Variants in KCNN2 observed in about 807,000 individuals in gnomAD.
KCNN2 encodes the protein potassium calcium-activated channel subfamily N member 2, also known as small conductance calcium-activated potassium channel protein 2.
In KCNN2, 24 loss-of-function variants were observed where a neutral mutation model predicts 55.5. The observed-to-expected ratio is 0.43, with a 90% CI of 0.31 to 0.61. The LOEUF (loss-of-function observed/expected upper bound fraction) is 0.61. KCNN2 is among the 20% of genes least tolerant of loss of function. The probability of loss-of-function intolerance (pLI) is 0.08; values close to 1 mark genes in which losing one functional copy is unlikely to be tolerated. For missense variants in KCNN2, 754 were observed against 853.6 expected, an observed-to-expected ratio of 0.88 and a Z score of 1.45; for synonymous variants, 431 against 336.1, an observed-to-expected ratio of 1.28 and a Z score of -3.09.
chr5:114,493,353 A>G (rs376449428), intron 6 of KCNN2, 50 bp from the exon 7 acceptor site: 2 of 1,122,460 alleles, frequency 1.8e-6, no homozygotes, highest in Non-Finnish European at 2.7e-6. Flanking sequence ...AAGGCATAAG[A>G]TTGCCATAGG....
At chr5:114,150,733 T>A (rs1220555815) in intron 1 of KCNN2, among the ~76,000 whole-genome samples, 1 of 152,040 alleles carries the variant, frequency 6.6e-6, no homozygotes, top group Non-Finnish European at 1.5e-5. Flanking sequence ...AAAAACCAAA[T>A]AAGCAAGGCC....
At chr5:114,070,430 C>G (rs1561462469) in intron 1 of KCNN2, among the ~76,000 whole-genome samples, 1 of 152,214 alleles carries the variant, frequency 6.6e-6, no homozygotes, top group South Asian at 2.1e-4. Flanking sequence ...TTGTTTTCCT[C>G]CATTGCATTA....
At chr5:114,149,470 G>A (rs1752471050) in intron 1 of KCNN2, among the ~76,000 whole-genome samples, 1 of 152,272 alleles carries the variant, frequency 6.6e-6, no homozygotes, top group South Asian at 2.1e-4. Context: ...TGGGTCCAGG[G>A]GGGTCACTGC....
intron 2 of KCNN2, among the ~76,000 whole-genome samples, chr5:114,273,027 A>G (rs1283923448): frequency 6.6e-6 from 1 of 151,990 alleles, no homozygotes; most frequent in Non-Finnish European, 1.5e-5. Context: ...TCTCTCCCCT[A>G]GCCCAACACC....
chr5:114,377,611 G>A (rs1440782680), intron 2 of KCNN2, among the ~76,000 whole-genome samples: 1 of 152,178 alleles, frequency 6.6e-6, no homozygotes, highest in African/African-American at 2.4e-5. Context: ...AAGCCCGAGG[G>A]ACGCCTTCTA....
chr5:114,337,024 T>A (rs1048779892), intron 2 of KCNN2, among the ~76,000 whole-genome samples: 4 of 151,714 alleles, frequency 2.6e-5, no homozygotes, highest in African/African-American at 9.8e-5. Flanking sequence ...ATTTTTGATA[T>A]TTTTTTAAAA....
intron 1 of KCNN2, among the ~76,000 whole-genome samples, chr5:114,121,227 G>A (rs912293186): frequency 9.2e-5 from 14 of 152,302 alleles, no homozygotes; most frequent in African/African-American, 3.4e-4. Flanking sequence ...TATCATCCCA[G>A]GGTTCCATGG....
chr5:114,445,618 C>G (rs1330647896), intron 3 of KCNN2, among the ~76,000 whole-genome samples: 1 of 152,188 alleles, frequency 6.6e-6, no homozygotes, highest in Non-Finnish European at 1.5e-5. Flanking sequence ...TCAAAATACA[C>G]AAAGTAATAA....
chr5:114,057,552 G>A (rs1750238039), intron 1 of KCNN2, among the ~76,000 whole-genome samples: 1 of 152,194 alleles, frequency 6.6e-6, no homozygotes, highest in Non-Finnish European at 1.5e-5. Context: ...ATGCAACAGT[G>A]GACAAGGCAA....
At chr5:114,289,418 A>C (rs1205897467) in intron 2 of KCNN2, among the ~76,000 whole-genome samples, 2 of 150,294 alleles carry the variant, frequency 1.3e-5, no homozygotes, top group African/African-American at 2.5e-5. Context: ...TTGTGGCCCA[A>C]GCATGGAGTA....
chr5:114,429,734 A>G (rs773292774), intron 3 of KCNN2, among the ~76,000 whole-genome samples: 13 of 143,936 alleles, frequency 9.0e-5, no homozygotes, highest in Middle Eastern at 3.8e-3. Flanking sequence ...ATAGTTTTGC[A>G]TTTTACATTT....
At chr5:114,178,311 T>C (rs1008856982) in intron 1 of KCNN2, among the ~76,000 whole-genome samples, 1 of 152,212 alleles carries the variant, frequency 6.6e-6, no homozygotes, top group African/African-American at 2.4e-5. Flanking sequence ...ATCTGGCAGT[T>C]CCTTTCCACT....
At chr5:114,097,500 T>C (rs1447674730) in intron 1 of KCNN2, among the ~76,000 whole-genome samples, 1 of 152,148 alleles carries the variant, frequency 6.6e-6, no homozygotes, top group African/African-American at 2.4e-5. Context: ...CTGAAGACAG[T>C]AGTAGGTTTC....
rs1011602563 is a variant in KCNN2 at position 114,146,715 on chromosome 5, G to T, written c.-270-74765G>T. Among the ~76,000 whole-genome samples, 10 of 152,174 alleles carry T rather than the reference G, an allele frequency of 6.6e-5. No individual in the cohort carries two copies. In the East Asian group the frequency reaches 1.9e-3, roughly 29 times the overall value. Reference sequence around the variant, plus strand: ...AGAACAGTATTGTACAATTTGTTTAGCTTGTTTCCAACTCAGAGAATATTT... The same window carrying T: ...AGAACAGTATTGTACAATTTGTTTATCTTGTTTCCAACTCAGAGAATATTT... On this transcript the variant is annotated intron_variant, in intron 1 of 10. Coordinates refer to the KCNN2 transcript ENST00000512097.
intron 2 of KCNN2, among the ~76,000 whole-genome samples, chr5:114,280,127 G>A (rs573642852): frequency 3.9e-5 from 6 of 152,244 alleles, no homozygotes; most frequent in East Asian, 1.9e-4. Flanking sequence ...CATATCCTTT[G>A]CCCACTTTTT....
At chr5:114,293,267 G>GCCAGTTTTCAAAGGGAATGCTT (rs1363285682) in intron 2 of KCNN2, among the ~76,000 whole-genome samples, 3 of 152,082 alleles carry the variant, frequency 2.0e-5, no homozygotes, top group Non-Finnish European at 2.9e-5. Context: ...CCTGTCTTGT[G>GCCAGTTTTCAAAGGGAATGCTT]CCAGTTTTCA....
At chr5:114,134,334 CT>C (rs11443815) in intron 1 of KCNN2, among the ~76,000 whole-genome samples, 10 of 147,898 alleles carry the variant, frequency 6.8e-5, no homozygotes, top group African/African-American at 9.9e-5. Context: ...ATTTAGAAAA[CT>C]TTTTTTTTTC....
intron 2 of KCNN2, among the ~76,000 whole-genome samples, chr5:114,375,006 C>T (rs1757890633): frequency 6.6e-6 from 1 of 152,060 alleles, no homozygotes; most frequent in African/African-American, 2.4e-5. Context: ...GCAATATTTG[C>T]ATATTAGTTT....
intron 2 of KCNN2, among the ~76,000 whole-genome samples, chr5:114,343,290 A>G (rs1757050467): frequency 6.6e-6 from 1 of 152,194 alleles, no homozygotes; most frequent in Non-Finnish European, 1.5e-5. Flanking sequence ...AATTATGGAA[A>G]GATGGGATGC....
Sources: gnomAD v4.1 joint callset for allele counts (sites outside exome capture counted in the v4.1 genomes callset) on GRCh38, gnomAD v4.1.1 for gene constraint, MANE v1.5 for transcripts, NCBI Gene and HGNC (gene_info 2026-07-23, HGNC 2026-07-21) for gene names.